The following ARHGAP36 variants were observed in gnomAD, a reference collection of about 807,000 sequenced individuals.
ARHGAP36 encodes Rho GTPase activating protein 36.
A neutral mutation model predicts 32.9 loss-of-function variants in ARHGAP36; 7 were observed. The ratio of observed to expected loss-of-function variants is 0.21; its 90% confidence interval spans 0.12 to 0.40. The LOEUF (loss-of-function observed/expected upper bound fraction) is 0.40, where lower values mean the gene tolerates loss of function less well. Among genes scored for constraint, ARHGAP36 ranks in the 10% least tolerant of loss-of-function variants. The probability of loss-of-function intolerance (pLI) is 1.00; values close to 1 mark genes in which losing one functional copy is unlikely to be tolerated. For missense variants in ARHGAP36, 383 were observed against 442.2 expected, an observed-to-expected ratio of 0.87 and a Z score of 1.20; for synonymous variants, 165 against 168.3, an observed-to-expected ratio of 0.98 and a Z score of 0.15.
intron 2 of ARHGAP36, among the ~76,000 whole-genome samples, chrX:131,082,200 C>T (rs1280360592): frequency 8.9e-6 from 1 of 112,046 alleles, no homozygotes; most frequent in Admixed American, 9.4e-5. Context: ...GACAGAGGGC[C>T]GGTGAAGAGA....
chrX:131,085,891 C>T (rs758894084), intron 8 of ARHGAP36, 22 bp from the exon 9 acceptor site: 1 of 1,207,926 alleles, frequency 8.3e-7, no homozygotes, highest in South Asian at 1.8e-5. Flanking sequence ...GCGTCAATCA[C>T]TTTCTGCTTT....
At chrX:131,071,010 G>A (rs149936419) in intron 1 of ARHGAP36, among the ~76,000 whole-genome samples, 4 of 110,505 alleles carry the variant, frequency 3.6e-5, no homozygotes, top group African/African-American at 6.6e-5. Flanking sequence ...AAAAGCAAGC[G>A]TCACCAGAAA....
chrX:131,080,860 G>A (rs1240622292), intron 1 of ARHGAP36, among the ~76,000 whole-genome samples: 1 of 111,652 alleles, frequency 9.0e-6, no homozygotes, highest in Non-Finnish European at 1.9e-5. Flanking sequence ...TAGCATTTGG[G>A]TGCATTTCCT....
rs1305432195 is a variant in ARHGAP36, at chrX:131,081,598, C to G, written c.-68C>G. On this transcript the variant is annotated 5_prime_UTR_variant, in exon 2 of 12. Transcript: ENST00000276211. ...TTTCCCTCCCCCTCTACCCCCACCC[C>G]CATAGTTCTCTCCACCAGGTCCAGT... is the stretch of plus-strand genomic sequence containing the variant. 1.4e-5 allele frequency: 16 copies of G among 1,164,964 alleles called. No individual in the cohort carries two copies. Among genetic ancestry groups the G allele is most frequent in the Non-Finnish European group, 1.8e-5 (16 of 872,382 alleles).
chrX:131,058,711 C>CTCT (rs2079653908), intron 1 of ARHGAP36, among the ~76,000 whole-genome samples: 1 of 113,491 alleles, frequency 8.8e-6, no homozygotes, highest in Non-Finnish European at 1.9e-5. Context: ...GCTCAGCCGC[C>CTCT]GGCAGGGACA....
Position 131,083,880 on chromosome X carries a change from C to G in ARHGAP36, c.466C>G (p.Arg156Gly), listed in dbSNP as rs936361344. ...GGGCCGTCGTCGGGGAAACGTGGTG[C>G]GAAGGGTGTTTGGCCGCATCCGGCG... ...AAGRRRGNVV[R>G]RVFGRIRRFF... Residue 156 changes from arginine (R) to glycine (G), a missense_variant, in exon 4 of 12, where the codon CGA (arginine) becomes GGA (glycine). Around this residue, in one of 2 missense-constraint regions of ARHGAP36, gnomAD observed 156 missense variants for 131.0 expected, o/e 1.19. Transcript: ENST00000276211. 128 of 1,210,707 alleles carry G rather than the reference C, an allele frequency of 1.1e-4. No homozygotes were observed. Among genetic ancestry groups the G allele is most frequent in the Non-Finnish European group, 1.3e-4 (119 of 895,412 alleles).
Position 131,083,244 on chromosome X carries a change from T to C in ARHGAP36, c.319+14T>C. 5.8e-6 allele frequency: 7 copies of C among 1,197,854 alleles called. No individual in the cohort carries two copies. The highest frequency in any genetic ancestry group is 1.8e-5 in the South Asian group (1 of 54,802). ...GACAGCAGAGGGGTGAGGGGGCTCTTGTATTTTCTTTAGAAAAGAAATAGA... is the reference window on the plus strand; with the variant it reads ...GACAGCAGAGGGGTGAGGGGGCTCTCGTATTTTCTTTAGAAAAGAAATAGA... On this transcript the variant is annotated intron_variant, in intron 3 of 11. Transcript: ENST00000276211.
At chrX:131,078,703 A>G (rs2079778312) in intron 1 of ARHGAP36, 1 of 976,333 alleles carries the variant, frequency 1.0e-6, no homozygotes, top group Non-Finnish European at 1.3e-6. Context: ...TGGTCTTCCT[A>G]AATCTGCTTC....
At position 131,086,298 on chromosome X, in the gene ARHGAP36, T is replaced by G. The variant is rs1350578626; in HGVS notation, c.1282-31T>G. 3 of 1,189,293 alleles carry G rather than the reference T, an allele frequency of 2.5e-6. No individual in the cohort carries two copies. In the African/African-American group the frequency reaches 5.3e-5, roughly 21 times the overall value. The stretch of plus-strand genomic sequence containing the variant: ...GTATAAATGAAAAGGTGCTGTGTAA[T>G]GATGGCTAATGTTGCTAATTCTACC... On this transcript the variant is annotated intron_variant, in intron 9 of 11. Transcript: ENST00000276211.
At chrX:131,073,651 G>A (rs187398980) in intron 1 of ARHGAP36, among the ~76,000 whole-genome samples, 1 of 112,495 alleles carries the variant, frequency 8.9e-6, no homozygotes, top group Non-Finnish European at 1.9e-5. Context: ...TGTCTCTACA[G>A]TGCCCTTAGA....
Position 131,085,569 on chromosome X carries a change from CCT to C in ARHGAP36, c.956-18_956-17del. ...CCAAGACTATCCCCCTGAGACAGCCCCTGTTTTCCTTCTTCTAGCTTTAAAGC... is the reference window on the plus strand; with the variant it reads ...CCAAGACTATCCCCCTGAGACAGCCCGTTTTCCTTCTTCTAGCTTTAAAGC... On this transcript the variant is annotated splice_polypyrimidine_tract_variant and intron_variant, in intron 7 of 11. Coordinates refer to ENST00000276211, the MANE Select transcript of ARHGAP36 (RefSeq NM_144967.4). 2 of 1,207,233 alleles carry C rather than the reference CCT, an allele frequency of 1.7e-6. No individual in the cohort carries two copies. Among genetic ancestry groups the C allele is most frequent in the East Asian group, 3.0e-5 (1 of 33,786 alleles).
intron 1 of ARHGAP36, among the ~76,000 whole-genome samples, chrX:131,073,856 A>G (rs184167164): frequency 1.8e-5 from 2 of 110,938 alleles, no homozygotes; most frequent in Non-Finnish European, 3.8e-5. Context: ...ATGGATGGAT[A>G]GACAGACAGA....
intron 2 of ARHGAP36, among the ~76,000 whole-genome samples, 193 bp from the exon 3 acceptor site, chrX:131,082,972 A>C (rs916413103): frequency 8.8e-6 from 1 of 113,122 alleles, no homozygotes; most frequent in Non-Finnish European, 1.9e-5. Context: ...GTCTGATAAG[A>C]GTGAGATAGG....
At chrX:131,082,090 G>A (rs1409643818) in intron 2 of ARHGAP36, among the ~76,000 whole-genome samples, 172 bp downstream of exon 2, 1 of 111,965 alleles carries the variant, frequency 8.9e-6, no homozygotes, top group Non-Finnish European at 1.9e-5. Context: ...AAGGCTGTTT[G>A]TTGAATTGCG....
At chrX:131,062,045 A>G (rs2079672081) in intron 1 of ARHGAP36, among the ~76,000 whole-genome samples, 1 of 111,984 alleles carries the variant, frequency 8.9e-6, no homozygotes, top group Non-Finnish European at 1.9e-5. Flanking sequence ...CTTTTTTTTC[A>G]CACCTACCTA....
chrX:131,084,062 AG>A, intron 4 of ARHGAP36, 93 bp downstream of exon 4: 2 of 1,070,200 alleles, frequency 1.9e-6, no homozygotes, highest in Non-Finnish European at 2.5e-6. Flanking sequence ...CCTCAGAGGC[AG>A]GGGGGAGCTG....
At position 131,062,670 on chromosome X, in the gene ARHGAP36, G is replaced by A. The variant is rs775722773; in HGVS notation, c.-143+4226G>A. On this transcript the variant is annotated intron_variant, in intron 1 of 11. Transcript: ENST00000276211. Reference sequence around the variant, plus strand: ...AATAGTTCTTATTACTGCTGTTGTAGATGTCATTATGTTAAATGCTTTCTA... The same window carrying A: ...AATAGTTCTTATTACTGCTGTTGTAAATGTCATTATGTTAAATGCTTTCTA... 2.7e-5 allele frequency among the ~76,000 whole-genome samples: 3 copies of A among 111,987 alleles called. No homozygotes were observed. The East Asian group carries it at 8.4e-4, about 31-fold the overall frequency.
At chrX:131,071,373 A>G (rs2079732734) in intron 1 of ARHGAP36, among the ~76,000 whole-genome samples, 1 of 110,947 alleles carries the variant, frequency 9.0e-6, no homozygotes, top group African/African-American at 3.3e-5. Context: ...CTCTCCTTCA[A>G]TGGAAGGGCA....
intron 1 of ARHGAP36, among the ~76,000 whole-genome samples, chrX:131,069,092 G>A (rs1421535325): frequency 1.8e-5 from 2 of 112,231 alleles, no homozygotes; most frequent in African/African-American, 6.5e-5. Flanking sequence ...GGGCGATAGA[G>A]TCGCTAACGG....
Sources: allele counts gnomAD v4.1 joint callset (sites outside exome capture counted in the v4.1 genomes callset), GRCh38; gene constraint gnomAD v4.1.1; regional missense constraint gnomAD v4.1.1; transcripts MANE v1.5; gene names NCBI Gene and HGNC (gene_info 2026-07-23, HGNC 2026-07-21).